CDK14: variants seen among roughly 807,000 people sequenced by gnomAD.
CDK14 encodes the protein cyclin-dependent kinase 14.
In CDK14, 34 loss-of-function variants were observed where a neutral mutation model predicts 60.7. The observed-to-expected ratio is 0.56, with a 90% CI of 0.43 to 0.75. The LOEUF (loss-of-function observed/expected upper bound fraction) is 0.75, where lower values mean the gene tolerates loss of function less well. Among genes scored for constraint, CDK14 ranks in the 30% least tolerant of loss-of-function variants. CDK14 has a pLI of 0.00. For synonymous variants in CDK14, 197 were observed against 203.7 expected, an observed-to-expected ratio of 0.97 and a Z score of 0.28; for missense variants, 482 against 564.1, an observed-to-expected ratio of 0.85 and a Z score of 1.47.
intron 4 of CDK14, among the ~76,000 whole-genome samples, chr7:90,764,869 C>T (rs796545499): frequency 6.6e-6 from 1 of 152,290 alleles, no homozygotes; most frequent in African/African-American, 2.4e-5. Context: ...TAGAGATCTG[C>T]AAGCATTGTC....
intron 5 of CDK14, among the ~76,000 whole-genome samples, chr7:90,806,825 G>C (rs187380216): frequency 1.3e-5 from 2 of 152,192 alleles, no homozygotes; most frequent in Non-Finnish European, 2.9e-5. Context: ...ATTATATCCC[G>C]TGCCTGGCTC....
chr7:90,681,181 A>G (rs958526002), intron 2 of CDK14, among the ~76,000 whole-genome samples: 1 of 152,174 alleles, frequency 6.6e-6, no homozygotes, highest in African/African-American at 2.4e-5. Flanking sequence ...CACACGTTTC[A>G]AACTATTATA....
chr7:91,176,783 C>G (rs1357086695), intron 14 of CDK14, among the ~76,000 whole-genome samples: 1 of 151,536 alleles, frequency 6.6e-6, no homozygotes, highest in East Asian at 1.9e-4. Context: ...TCTGAATAGA[C>G]CAATAACAGG....
intron 11 of CDK14, among the ~76,000 whole-genome samples, chr7:91,073,309 TCAG>T (rs764362244): frequency 4.0e-4 from 61 of 152,322 alleles, no homozygotes; most frequent in Middle Eastern, 3.4e-3. Flanking sequence ...AGCTGATCTC[TCAG>T]CAGAAACCCT....
In CDK14 at chr7:90,672,320, C is replaced by T. The variant is rs139508017; in HGVS notation, c.124-54247C>T. On this transcript the variant is annotated intron_variant, in intron 2 of 14. Transcript: ENST00000380050. ...CCTTGTGTCCTATAGCTATCACCCA[C>T]TTACGTGCCCTCCTTGCCTTCCAGC... Among the ~76,000 whole-genome samples the T allele has an allele frequency of 4.0e-3, 608 of 152,204 alleles. 4 individuals are homozygous for T. Among genetic ancestry groups the T allele is most frequent in the Non-Finnish European group, 6.2e-3 (424 of 68,026 alleles).
At chr7:90,719,455 A>C (rs1227068368) in intron 2 of CDK14, among the ~76,000 whole-genome samples, 2 of 152,210 alleles carry the variant, frequency 1.3e-5, no homozygotes, top group Non-Finnish European at 2.9e-5. Context: ...GTGCTCTTTC[A>C]AATCCACTGC....
At chr7:91,141,060 G>C (rs1394680873) in intron 14 of CDK14, among the ~76,000 whole-genome samples, 4 of 152,184 alleles carry the variant, frequency 2.6e-5, no homozygotes, top group African/African-American at 9.7e-5. Flanking sequence ...ATTGGGAAAA[G>C]AGATGCAAGA....
chr7:91,034,146 A>C (rs1477495826), intron 10 of CDK14, among the ~76,000 whole-genome samples: 1 of 152,074 alleles, frequency 6.6e-6, no homozygotes, highest in East Asian at 1.9e-4. Context: ...TTCTGTATAC[A>C]GGCTGAAAAC....
intron 2 of CDK14, chr7:90,710,583 A>G: frequency 1.0e-6 from 1 of 977,432 alleles, no homozygotes; most frequent in Non-Finnish European, 1.2e-6. Flanking sequence ...GGTATTTTGC[A>G]TCATTACACC....
chr7:90,994,397 C>T (rs969200311), intron 10 of CDK14, among the ~76,000 whole-genome samples: 1 of 152,194 alleles, frequency 6.6e-6, no homozygotes, highest in Non-Finnish European at 1.5e-5. Flanking sequence ...CTTAATTTAG[C>T]TTCAGAAGTC....
intron 14 of CDK14, among the ~76,000 whole-genome samples, chr7:91,151,997 T>C (rs1250075275): frequency 6.6e-6 from 1 of 152,194 alleles, no homozygotes; most frequent in Non-Finnish European, 1.5e-5. Context: ...ACCGAACTTG[T>C]GTGTTTGGGA....
intron 5 of CDK14, among the ~76,000 whole-genome samples, chr7:90,861,433 G>T (rs1272508042): frequency 6.6e-6 from 1 of 152,168 alleles, no homozygotes; most frequent in Non-Finnish European, 1.5e-5. Context: ...GGCTTAAGAA[G>T]CTGTGAAAAA....
intron 2 of CDK14, among the ~76,000 whole-genome samples, chr7:90,613,642 G>C (rs563515861): frequency 6.6e-6 from 1 of 151,994 alleles, no homozygotes; most frequent in Non-Finnish European, 1.5e-5. Flanking sequence ...AGCTGAGATC[G>C]TGCCACTGCA....
chr7:91,179,662 G>A (rs1801928554), intron 14 of CDK14, among the ~76,000 whole-genome samples: 1 of 152,048 alleles, frequency 6.6e-6, no homozygotes, highest in Non-Finnish European at 1.5e-5. Flanking sequence ...AATTAGCCGG[G>A]CGTGGTGGCG....
chr7:90,809,116 T>C (rs923781282), intron 5 of CDK14, among the ~76,000 whole-genome samples: 4 of 152,050 alleles, frequency 2.6e-5, no homozygotes, highest in African/African-American at 9.7e-5. Context: ...CTACACCAAG[T>C]GGACCTAATA....
chr7:91,174,975 T>G (rs1245009026), intron 14 of CDK14, among the ~76,000 whole-genome samples: 7 of 146,010 alleles, frequency 4.8e-5, no homozygotes, highest in Non-Finnish European at 8.9e-5. Context: ...AGATACTCCT[T>G]GAGAAGAGCA....
chr7:91,201,618 A>C (rs1802729969), intron 14 of CDK14, among the ~76,000 whole-genome samples: 1 of 152,076 alleles, frequency 6.6e-6, no homozygotes, highest in Admixed American at 6.6e-5. Flanking sequence ...ACCTGATCAC[A>C]TCGAAGCACA....
chr7:90,866,227 T>TAC (rs1179881138), intron 6 of CDK14, among the ~76,000 whole-genome samples: 42 of 80,106 alleles, frequency 5.2e-4, no homozygotes, highest in African/African-American at 1.1e-3. Flanking sequence ...TACACACACA[T>TAC]ACACATACAC....
At chr7:90,772,457 ATGTT>A (rs1175970471) in intron 4 of CDK14, among the ~76,000 whole-genome samples, 2 of 152,046 alleles carry the variant, frequency 1.3e-5, no homozygotes, top group Admixed American at 1.3e-4. Flanking sequence ...GTAACTCCCA[ATGTT>A]TGGGGAGGGA....
Sources: allele counts gnomAD v4.1 joint callset (sites outside exome capture counted in the v4.1 genomes callset), GRCh38; gene constraint gnomAD v4.1.1; transcripts MANE v1.5; gene names NCBI Gene and HGNC (gene_info 2026-07-23, HGNC 2026-07-21).